Variants in AGBL4 observed in about 807,000 individuals in gnomAD.
AGBL4 encodes the protein cytosolic carboxypeptidase 6.
In AGBL4, 58 loss-of-function variants were observed where a neutral mutation model predicts 66.4. That is an observed-to-expected ratio of 0.87 (90% CI 0.71 to 1.09). The LOEUF is 1.09. Among genes scored for constraint, AGBL4 ranks in the 50% least tolerant of loss-of-function variants. The probability of loss-of-function intolerance (pLI) is 0.00; values close to 1 mark genes in which losing one functional copy is unlikely to be tolerated. For missense variants in AGBL4, 579 were observed against 631.0 expected, an observed-to-expected ratio of 0.92 and a Z score of 0.88; for synonymous variants, 234 against 222.9, an observed-to-expected ratio of 1.05 and a Z score of -0.44.
intron 3 of AGBL4, among the ~76,000 whole-genome samples, chr1:49,477,420 T>G (rs1646868700): frequency 6.6e-6 from 1 of 152,020 alleles, no homozygotes; most frequent in Non-Finnish European, 1.5e-5. Context: ...AGATCAAGAG[T>G]CTCTGCCTGG....
chr1:48,540,842 T>C (rs538389247), intron 11 of AGBL4, among the ~76,000 whole-genome samples: 146 of 152,278 alleles, frequency 9.6e-4, no homozygotes, highest in African/African-American at 3.3e-3. Context: ...ATTGCTGTCA[T>C]CCTGTCCTAA....
chr1:49,937,944 G>C (rs976933393), intron 1 of AGBL4, among the ~76,000 whole-genome samples: 2 of 152,054 alleles, frequency 1.3e-5, no homozygotes, highest in Non-Finnish European at 2.9e-5. Flanking sequence ...AACTAGAAAA[G>C]CAAGAGCAAA....
chr1:49,946,694 AT>A (rs1181922269), intron 1 of AGBL4, among the ~76,000 whole-genome samples: 1 of 152,028 alleles, frequency 6.6e-6, no homozygotes, highest in African/African-American at 2.4e-5. Context: ...AAGAAAAGAA[AT>A]AACCAAGATC....
At chr1:48,561,632 A>G (rs1049021016) in intron 11 of AGBL4, among the ~76,000 whole-genome samples, 1 of 152,228 alleles carries the variant, frequency 6.6e-6, no homozygotes, top group African/African-American at 2.4e-5. Context: ...CCTCCCTGAT[A>G]TGGGTGGGCC....
At chr1:48,654,347 G>T (rs1393781293) in intron 7 of AGBL4, among the ~76,000 whole-genome samples, 2 of 152,074 alleles carry the variant, frequency 1.3e-5, no homozygotes, top group Non-Finnish European at 2.9e-5. Flanking sequence ...ATATCTTTCT[G>T]GTGACAGCCT....
chr1:49,186,250 C>A (rs534825643), intron 4 of AGBL4, among the ~76,000 whole-genome samples: 1 of 152,282 alleles, frequency 6.6e-6, no homozygotes, highest in South Asian at 2.1e-4. Flanking sequence ...CCCCATTCAG[C>A]CTTTGCTTTC....
chr1:49,992,120 C>T (rs1429523958), intron 1 of AGBL4, among the ~76,000 whole-genome samples: 1 of 152,112 alleles, frequency 6.6e-6, no homozygotes, highest in Non-Finnish European at 1.5e-5. Flanking sequence ...GCCTGTAATC[C>T]CAGCACTTTG....
chr1:49,281,108 C>T (rs1644263639), intron 3 of AGBL4, among the ~76,000 whole-genome samples: 3 of 152,108 alleles, frequency 2.0e-5, no homozygotes, highest in Admixed American at 2.0e-4. Flanking sequence ...CATTATTTCT[C>T]ATTTTACAGA....
chr1:49,558,153 C>A (rs867429914), intron 3 of AGBL4, among the ~76,000 whole-genome samples: 1 of 151,934 alleles, frequency 6.6e-6, no homozygotes, highest in Non-Finnish European at 1.5e-5. Flanking sequence ...AAGGGCTGTG[C>A]GTGAGCCTTA....
chr1:49,254,681 G>T (rs919627547), intron 3 of AGBL4, among the ~76,000 whole-genome samples: 1 of 151,984 alleles, frequency 6.6e-6, no homozygotes, highest in African/African-American at 2.4e-5. Flanking sequence ...AATTCCTGTG[G>T]AACCAAAAAG....
chr1:48,726,611 A>AACTC (rs1337482000), intron 6 of AGBL4, among the ~76,000 whole-genome samples: 1 of 152,194 alleles, frequency 6.6e-6, no homozygotes, highest in Non-Finnish European at 1.5e-5. Flanking sequence ...TACTGATAAG[A>AACTC]ACTCTGAGAA....
chr1:49,279,179 C>T (rs1187940485), intron 3 of AGBL4, among the ~76,000 whole-genome samples: 1 of 152,142 alleles, frequency 6.6e-6, no homozygotes, highest in Non-Finnish European at 1.5e-5. Flanking sequence ...TCACGTTTTT[C>T]TCAGAGTGGT....
chr1:49,464,736 A>T (rs772558966), intron 3 of AGBL4, among the ~76,000 whole-genome samples: 6 of 151,712 alleles, frequency 4.0e-5, no homozygotes, highest in Non-Finnish European at 5.9e-5. Context: ...GCTGATACCC[A>T]AGCCACGAAT....
intron 6 of AGBL4, among the ~76,000 whole-genome samples, chr1:48,746,447 A>G (rs1240492375): frequency 1.3e-5 from 2 of 152,312 alleles, no homozygotes; most frequent in Admixed American, 1.3e-4. Context: ...GGTCCCCTCA[A>G]GGCTCACGAA....
intron 2 of AGBL4, among the ~76,000 whole-genome samples, chr1:49,756,416 G>A (rs1489230170): frequency 6.6e-6 from 1 of 152,156 alleles, no homozygotes; most frequent in Admixed American, 6.5e-5. Flanking sequence ...TACTAAAATT[G>A]CTCCACAATA....
intron 3 of AGBL4, among the ~76,000 whole-genome samples, chr1:49,514,358 T>C (rs1301733989): frequency 6.6e-6 from 1 of 151,938 alleles, no homozygotes; most frequent in Non-Finnish European, 1.5e-5. Flanking sequence ...CGAGGAGAAC[T>C]ACAAACCACT....
intron 8 of AGBL4, among the ~76,000 whole-genome samples, chr1:48,652,993 G>C (rs1052796776): frequency 1.3e-5 from 2 of 152,100 alleles, no homozygotes; most frequent in Non-Finnish European, 2.9e-5. Context: ...GCCCTTTCAG[G>C]TAAGTAATTA....
intron 1 of AGBL4, among the ~76,000 whole-genome samples, chr1:49,933,938 C>T (rs1653645747): frequency 1.3e-5 from 2 of 152,110 alleles, no homozygotes; most frequent in Admixed American, 6.6e-5. Context: ...ATAAATTAAA[C>T]TCCCCAGTCA....
At chr1:49,203,727 C>G (rs1647904143) in intron 4 of AGBL4, among the ~76,000 whole-genome samples, 1 of 152,084 alleles carries the variant, frequency 6.6e-6, no homozygotes, top group Non-Finnish European at 1.5e-5. Flanking sequence ...TCACTTGAAC[C>G]TGGGAGGTGG....
Sources: allele counts gnomAD v4.1 joint callset (sites outside exome capture counted in the v4.1 genomes callset), GRCh38; gene constraint gnomAD v4.1.1; transcripts MANE v1.5; gene names NCBI Gene and HGNC (gene_info 2026-07-23, HGNC 2026-07-21).